GLIS1: variants seen among roughly 807,000 people sequenced by gnomAD.
The protein encoded by GLIS1 is GLIS family zinc finger 1.
A neutral mutation model predicts 63.8 loss-of-function variants in GLIS1; 24 were observed. That is an observed-to-expected ratio of 0.38 (90% CI 0.27 to 0.53). GLIS1 has a LOEUF of 0.53. Ranked by LOEUF, GLIS1 falls within the 20% of genes least tolerant of loss-of-function variation. The pLI, the probability that GLIS1 is intolerant of heterozygous loss-of-function variation, is 0.85. For missense variants in GLIS1, 1,036 were observed against 1,074.1 expected, an observed-to-expected ratio of 0.96 and a Z score of 0.50; for synonymous variants, 450 against 482.5, an observed-to-expected ratio of 0.93 and a Z score of 0.88.
chr1:53,599,337 T>C (rs1293787888), intron 3 of GLIS1, among the ~76,000 whole-genome samples: 9 of 151,944 alleles, frequency 5.9e-5, no homozygotes, highest in Non-Finnish European at 1.2e-4. Flanking sequence ...ATCATGGGAG[T>C]GGGACTGGTG....
At position 53,558,645 on chromosome 1, in the gene GLIS1, A is replaced by G. The variant is rs540117; in HGVS notation, c.1321-28693T>C. On this transcript the variant is annotated intron_variant, in intron 4 of 10. Transcript: ENST00000628545. ...GGGGCAAGCAGGGTGTCCCAAGGTC[A>G]AGCAGGGTGTCCCATTCATGCCACA... Among the ~76,000 whole-genome samples the G allele has an allele frequency of 3.4e-3, 524 of 152,312 alleles. 5 individuals carry two copies. The highest frequency in any genetic ancestry group is 0.01 in the African/African-American group (418 of 41,558).
intron 4 of GLIS1, among the ~76,000 whole-genome samples, chr1:53,579,042 A>T: frequency 6.8e-6 from 1 of 146,940 alleles, no homozygotes; most frequent in Non-Finnish European, 1.5e-5. Flanking sequence ...AACTCATGAA[A>T]ATGTTTTAAT....
intron 4 of GLIS1, among the ~76,000 whole-genome samples, chr1:53,538,587 C>G (rs1469235333): frequency 6.6e-6 from 1 of 152,182 alleles, no homozygotes; most frequent in African/African-American, 2.4e-5. Flanking sequence ...GCAAGACCAT[C>G]TGCTCACTGG....
intron 2 of GLIS1, among the ~76,000 whole-genome samples, chr1:53,731,257 T>C (rs1273755613): frequency 6.6e-6 from 1 of 152,194 alleles, no homozygotes; most frequent in African/African-American, 2.4e-5. Flanking sequence ...CTGAGGATCC[T>C]GAGTCACTGG....
chr1:53,634,777 G>C (rs1645705486), intron 2 of GLIS1, among the ~76,000 whole-genome samples: 1 of 152,134 alleles, frequency 6.6e-6, no homozygotes, highest in African/African-American at 2.4e-5. Context: ...CCCCAGAGTG[G>C]GTGGGGGTTA....
intron 4 of GLIS1, among the ~76,000 whole-genome samples, chr1:53,586,507 C>T (rs538260253): frequency 1.3e-5 from 2 of 152,310 alleles, no homozygotes; most frequent in South Asian, 2.1e-4. Context: ...TTCTCTTTCG[C>T]AAATGCAAAC....
chr1:53,729,664 C>T (rs759487418), intron 2 of GLIS1, among the ~76,000 whole-genome samples: 70 of 152,168 alleles, frequency 4.6e-4, no homozygotes, highest in Middle Eastern at 3.2e-3. Context: ...CTCTGAAGCA[C>T]ACTACTCATC....
chr1:53,699,702 G>A (rs944714174), intron 2 of GLIS1, among the ~76,000 whole-genome samples: 2 of 152,282 alleles, frequency 1.3e-5, no homozygotes, highest in East Asian at 1.9e-4. Flanking sequence ...CTGCAAGTCC[G>A]GGATCAAGAT....
At chr1:53,552,498 T>C (rs1557446144) in intron 4 of GLIS1, among the ~76,000 whole-genome samples, 2 of 152,228 alleles carry the variant, frequency 1.3e-5, no homozygotes, top group Admixed American at 1.3e-4. Flanking sequence ...ACAAAGATTG[T>C]TGTCTTTGTC....
chr1:53,668,334 G>A (rs1377938850), intron 2 of GLIS1, among the ~76,000 whole-genome samples: 1 of 152,134 alleles, frequency 6.6e-6, no homozygotes, highest in Non-Finnish European at 1.5e-5. Flanking sequence ...TTACAATCCT[G>A]TATTTTTACT....
At chr1:53,710,917 C>T (rs976248985) in intron 2 of GLIS1, among the ~76,000 whole-genome samples, 1 of 151,884 alleles carries the variant, frequency 6.6e-6, no homozygotes, top group East Asian at 1.9e-4. Context: ...AAGGAGTCAG[C>T]GATGGTGGCC....
At chr1:53,729,901 T>C (rs1356788589) in intron 2 of GLIS1, among the ~76,000 whole-genome samples, 1 of 152,234 alleles carries the variant, frequency 6.6e-6, no homozygotes, top group Admixed American at 6.5e-5. Flanking sequence ...ACCTGGGCTT[T>C]GCACTCAAAT....
chr1:53,717,752 T>G, intron 2 of GLIS1, among the ~76,000 whole-genome samples: 1 of 152,238 alleles, frequency 6.6e-6, no homozygotes, highest in East Asian at 1.9e-4. Flanking sequence ...ACTTGTTTAC[T>G]TGATTACTGT....
chr1:53,736,994 G>A (rs1646918874), intron 2 of GLIS1, among the ~76,000 whole-genome samples: 2 of 152,192 alleles, frequency 1.3e-5, no homozygotes, highest in South Asian at 4.1e-4. Context: ...AAAAAAAGGG[G>A]GGAGGACGAG....
At chr1:53,565,959 G>A (rs1162088684) in intron 4 of GLIS1, among the ~76,000 whole-genome samples, 1 of 152,040 alleles carries the variant, frequency 6.6e-6, no homozygotes, top group South Asian at 2.1e-4. Flanking sequence ...ATAGAAAAGA[G>A]AACAAATTAT....
chr1:53,538,449 T>A (rs551146586), intron 4 of GLIS1, among the ~76,000 whole-genome samples: 9 of 152,118 alleles, frequency 5.9e-5, no homozygotes, highest in African/African-American at 2.2e-4. Context: ...GGAAACTGAG[T>A]TTAGGTGAAG....
At position 53,511,678 on chromosome 1, in the gene GLIS1, G is replaced by A. The variant is rs1356925960; in HGVS notation, c.1884-1651C>T. Among the ~76,000 whole-genome samples the A allele has an allele frequency of 6.6e-6, 1 of 152,158 alleles. No homozygotes were observed. Among genetic ancestry groups the A allele is most frequent in the African/African-American group, 2.4e-5 (1 of 41,432 alleles). On this transcript the variant is annotated intron_variant, in intron 8 of 10. Coordinates refer to ENST00000628545, the MANE Select transcript of GLIS1 (RefSeq NM_001367484.1). The surrounding 1 kb of genome is among the most constrained non-coding windows in gnomAD (Gnocchi z 4.2). ...CATTATTTTTAGGCCTGTCTTGTGGGGTGATCAAGTGGGACAGCGTCTTCC... is the reference window on the plus strand; with the variant it reads ...CATTATTTTTAGGCCTGTCTTGTGGAGTGATCAAGTGGGACAGCGTCTTCC...
At chr1:53,534,639 A>G (rs1446708536) in intron 4 of GLIS1, among the ~76,000 whole-genome samples, 2 of 151,146 alleles carry the variant, frequency 1.3e-5, no homozygotes, top group Non-Finnish European at 3.0e-5. Context: ...CCAGCTGTGC[A>G]CCCCATCCCT....
At position 53,526,236 on chromosome 1, in the gene GLIS1, A is replaced by G. The variant is rs1218554909; in HGVS notation, c.1483-1349T>C. On this transcript the variant is annotated intron_variant, in intron 5 of 10. Transcript: ENST00000628545. The surrounding 1 kb of genome is among the most constrained non-coding windows in gnomAD (Gnocchi z 4.4). Reference sequence around the variant, plus strand: ...GGAACTGCCCCCAGGACCTCAAGGCAGCTTTGCCCCTGCTGGACTAAGGAG... The same window carrying G: ...GGAACTGCCCCCAGGACCTCAAGGCGGCTTTGCCCCTGCTGGACTAAGGAG... 6.6e-6 allele frequency among the ~76,000 whole-genome samples: 1 copy of G among 152,118 alleles called. No individual in the cohort carries two copies. The highest frequency in any genetic ancestry group is 6.5e-5 in the Admixed American group (1 of 15,286).
Sources: gnomAD v4.1 joint callset for allele counts (sites outside exome capture counted in the v4.1 genomes callset) on GRCh38, gnomAD v4.1.1 for gene constraint, Gnocchi (gnomAD v3.1) non-coding constraint, MANE v1.5 for transcripts, NCBI Gene and HGNC (gene_info 2026-07-23, HGNC 2026-07-21) for gene names.